Variants in PRKCE observed in about 807,000 individuals in gnomAD.
The protein encoded by PRKCE is protein kinase C epsilon.
PRKCE carries 16 observed loss-of-function variants against 85.4 expected under a neutral mutation model. That is an observed-to-expected ratio of 0.19 (90% confidence interval 0.13 to 0.28). PRKCE has a LOEUF of 0.28. Among genes scored for constraint, PRKCE ranks in the 10% least tolerant of loss-of-function variants. PRKCE has a pLI of 1.00. For synonymous variants in PRKCE, 388 were observed against 371.5 expected, an observed-to-expected ratio of 1.04 and a Z score of -0.51; for missense variants, 573 against 975.2, an observed-to-expected ratio of 0.59 and a Z score of 5.49.
At position 46,004,610 on chromosome 2, in the gene PRKCE, G is replaced by C. The variant is rs543962581; in HGVS notation, c.1035G>C (p.Lys345Asn). The part of the protein sequence containing the change: ...GSSPSEEDRS[K>N]SAPTSPCDQE... ...CACCATCTGAGGAAGATCGATCCAAGTCAGCACCCACCTCCCCTTGTGACC... is the reference window on the plus strand; with the variant it reads ...CACCATCTGAGGAAGATCGATCCAACTCAGCACCCACCTCCCCTTGTGACC... The change falls in exon 8 of 15, where the codon AAG becomes AAC. Residue 345 changes from lysine (K) to asparagine (N), a missense_variant. Around this residue, in one of 11 missense-constraint regions of PRKCE, gnomAD observed 117 missense variants for 104.8 expected, o/e 1.12. Transcript: ENST00000306156. This position sits in a 1 kb window ranked among gnomAD's most constrained non-coding sequence, Gnocchi z 4.1. The C allele has an allele frequency of 1.3e-6, 2 of 1,590,442 alleles. No homozygotes were observed. The highest frequency in any genetic ancestry group is 1.7e-6 in the Non-Finnish European group (2 of 1,175,618).
At chr2:45,853,182 G>C (rs1417617104) in intron 2 of PRKCE, among the ~76,000 whole-genome samples, 3 of 152,132 alleles carry the variant, frequency 2.0e-5, no homozygotes. Flanking sequence ...TTCTTATGGG[G>C]AAAGGAGTTG....
At chr2:45,884,032 G>A (rs1037123267) in intron 2 of PRKCE, among the ~76,000 whole-genome samples, 1 of 152,212 alleles carries the variant, frequency 6.6e-6, no homozygotes, top group African/African-American at 2.4e-5. Context: ...CCTTGAGAGT[G>A]AGTGGCGTTG....
intron 10 of PRKCE, among the ~76,000 whole-genome samples, chr2:46,029,995 C>T (rs373365957): frequency 3.3e-5 from 5 of 152,080 alleles, no homozygotes; most frequent in African/African-American, 9.7e-5. Context: ...AAAACCCACC[C>T]GCAAAACATG....
intron 1 of PRKCE, among the ~76,000 whole-genome samples, chr2:45,799,690 CT>C (rs986876134): frequency 5.3e-5 from 8 of 152,172 alleles, no homozygotes; most frequent in African/African-American, 1.2e-4. Context: ...AAATCTGATA[CT>C]TTTTAAAGCA....
At chr2:46,060,537 C>T (rs1046297726) in intron 10 of PRKCE, among the ~76,000 whole-genome samples, 5 of 152,150 alleles carry the variant, frequency 3.3e-5, no homozygotes, top group African/African-American at 9.7e-5. Flanking sequence ...AGAAGGAAAA[C>T]AGTACCCAAT....
intron 14 of PRKCE, among the ~76,000 whole-genome samples, chr2:46,165,521 C>A (rs897570379): frequency 6.6e-6 from 1 of 152,234 alleles, no homozygotes; most frequent in Non-Finnish European, 1.5e-5. Flanking sequence ...AAATCTCCAA[C>A]CCTAGAATTC....
Position 45,652,455 on chromosome 2 carries a change from G to A in PRKCE, c.348+7G>A. On this transcript the variant is annotated splice_region_variant and intron_variant, in intron 1 of 14. Transcript: ENST00000306156. This position sits in a 1 kb window ranked among gnomAD's most constrained non-coding sequence, Gnocchi z 7.7. ...CCGCCACTTCGAGGACTGGGTGAGT[G>A]CGGCGCCTCCCCGTCATTCCGGGAA... The A allele has an allele frequency of 6.2e-7, 1 of 1,600,468 alleles. No homozygotes were observed. The highest frequency in any genetic ancestry group is 8.5e-7 in the Non-Finnish European group (1 of 1,174,768).
intron 2 of PRKCE, among the ~76,000 whole-genome samples, chr2:45,870,930 G>A (rs1694044685): frequency 6.6e-6 from 1 of 152,198 alleles, no homozygotes; most frequent in Non-Finnish European, 1.5e-5. Context: ...TGGCACTCGG[G>A]GGGAATGGGC....
At chr2:46,151,355 C>T in intron 13 of PRKCE, 126 bp downstream of exon 13, 1 of 1,020,232 alleles carries the variant, frequency 9.8e-7, no homozygotes, top group Non-Finnish European at 1.4e-6. Flanking sequence ...CCAGCTTTCT[C>T]CCTCCCACCT....
chr2:45,839,927 C>G (rs928597399), intron 1 of PRKCE, among the ~76,000 whole-genome samples: 1 of 152,194 alleles, frequency 6.6e-6, no homozygotes, highest in African/African-American at 2.4e-5. Flanking sequence ...TTCACCAGCA[C>G]GGAGGCTGCA....
chr2:45,877,197 T>G (rs920613970), intron 2 of PRKCE, among the ~76,000 whole-genome samples: 1 of 152,318 alleles, frequency 6.6e-6, no homozygotes, highest in African/African-American at 2.4e-5. Context: ...GTTGAGAAGT[T>G]AGCTGTCAAT....
At chr2:45,944,292 A>G (rs1700083247) in intron 2 of PRKCE, among the ~76,000 whole-genome samples, 1 of 152,100 alleles carries the variant, frequency 6.6e-6, no homozygotes, top group South Asian at 2.1e-4. Context: ...GCTGTAGGAA[A>G]AGCCTCAGCG....
intron 1 of PRKCE, among the ~76,000 whole-genome samples, chr2:45,748,995 T>A (rs1317318304): frequency 6.6e-6 from 1 of 151,720 alleles, no homozygotes; most frequent in African/African-American, 2.4e-5. Context: ...GTTCAAGCAA[T>A]TCTCCTGCCT....
rs1287930242 is a variant in PRKCE at position 45,697,209 on chromosome 2, T to C, written c.348+44761T>C. Among the ~76,000 whole-genome samples, 1 of 152,084 alleles carries C rather than the reference T, an allele frequency of 6.6e-6. No homozygotes were observed. Among genetic ancestry groups the C allele is most frequent in the Non-Finnish European group, 1.5e-5 (1 of 68,028 alleles). Reference sequence around the variant, plus strand: ...CATCGTCCTTTCAAAGAGTCCATGCTCTACCTGGGAGGGCCTGTGTAGGTG... The same window carrying C: ...CATCGTCCTTTCAAAGAGTCCATGCCCTACCTGGGAGGGCCTGTGTAGGTG... On this transcript the variant is annotated intron_variant, in intron 1 of 14. Transcript: ENST00000306156. The surrounding 1 kb of genome is among the most constrained non-coding windows in gnomAD (Gnocchi z 4.2).
chr2:45,819,042 G>A (rs1390304328), intron 1 of PRKCE, among the ~76,000 whole-genome samples: 1 of 152,186 alleles, frequency 6.6e-6, no homozygotes, highest in Non-Finnish European at 1.5e-5. Context: ...GCTTGGTATT[G>A]AGAGTGAGGC....
intron 1 of PRKCE, among the ~76,000 whole-genome samples, chr2:45,692,203 C>G (rs1319343318): frequency 6.6e-6 from 1 of 152,130 alleles, no homozygotes; most frequent in Non-Finnish European, 1.5e-5. Context: ...ACTGCCATAA[C>G]AAAGCACCAC....
At chr2:46,100,581 G>A (rs3754571) in intron 11 of PRKCE, among the ~76,000 whole-genome samples, 40,441 of 152,022 alleles carry the variant, frequency 0.27, 5,558 homozygotes, top group South Asian at 0.41. Context: ...CTCTCATGAA[G>A]TCCCCTCCCG....
At chr2:45,663,147 C>G (rs552080094) in intron 1 of PRKCE, among the ~76,000 whole-genome samples, 1 of 152,192 alleles carries the variant, frequency 6.6e-6, no homozygotes, top group Non-Finnish European at 1.5e-5. Context: ...GATGGTCTAT[C>G]GCAAAGCGAG....
At chr2:46,136,591 C>A (rs1379908842) in intron 11 of PRKCE, among the ~76,000 whole-genome samples, 3 of 152,118 alleles carry the variant, frequency 2.0e-5, no homozygotes, top group Non-Finnish European at 4.4e-5. Flanking sequence ...TATGATGATA[C>A]CCGCTGCCCA....
Sources: gnomAD v4.1 joint callset for allele counts (sites outside exome capture counted in the v4.1 genomes callset) on GRCh38, gnomAD v4.1.1 for gene constraint, gnomAD v4.1.1 regional missense constraint, Gnocchi (gnomAD v3.1) non-coding constraint, MANE v1.5 for transcripts, NCBI Gene and HGNC (gene_info 2026-07-23, HGNC 2026-07-21) for gene names.